The following NLRP3 variants were observed in gnomAD, a reference collection of about 807,000 sequenced individuals.
NLRP3 encodes the protein NACHT, LRR and PYD domains-containing protein 3.
Under a neutral mutation model 91.3 loss-of-function variants are expected in NLRP3, and 48 were observed. The observed-to-expected ratio is 0.53, with a 90% CI of 0.42 to 0.67. NLRP3 has a LOEUF of 0.67. Among genes scored for constraint, NLRP3 ranks in the 30% least tolerant of loss-of-function variants. NLRP3 has a pLI of 0.00. For missense variants in NLRP3, 982 were observed against 1,276.9 expected, an observed-to-expected ratio of 0.77 and a Z score of 3.52; for synonymous variants, 561 against 507.9, an observed-to-expected ratio of 1.10 and a Z score of -1.41.
intron 7 of NLRP3, 59 bp downstream of exon 7, chr1:247,436,199 G>C (rs1279411746): frequency 1.2e-5 from 19 of 1,547,770 alleles, no homozygotes; most frequent in Non-Finnish European, 1.2e-5. Flanking sequence ...TGAATTATTT[G>C]GAAAATGTGG....
In NLRP3 at chr1:247,423,338, A is replaced by G. The variant is rs188623199; in HGVS notation, c.386A>G (p.Lys129Arg). The change falls in exon 3 of 10, where the codon AAA becomes AGA. Residue 129 changes from lysine to arginine, a missense_variant. Physicochemically the swap from Lys to Arg is conservative, Grantham distance 26 (BLOSUM62 2). Coordinates refer to ENST00000336119, the MANE Select transcript of NLRP3 (RefSeq NM_001243133.2). ...TACCTTTCGAGAATCTCTATTTGTA[A>G]AATGAAGAAAGGTAAGCGACTGGGG... ...LEYLSRISIC[K>R]MKKDYRKKYR... The G allele has an allele frequency of 3.4e-5, 55 of 1,613,990 alleles. No homozygotes were observed. In the East Asian group the frequency reaches 1.2e-3, roughly 34 times the overall value.
chr1:247,430,784 T>TC (rs1663258804), intron 5 of NLRP3, among the ~76,000 whole-genome samples: 1 of 152,016 alleles, frequency 6.6e-6, no homozygotes, highest in African/African-American at 2.4e-5. Flanking sequence ...TTTTTTTTTT[T>TC]TTCTTTGAGA....
At chr1:247,437,741 TA>T (rs1269686538) in intron 7 of NLRP3, among the ~76,000 whole-genome samples, 1 of 152,216 alleles carries the variant, frequency 6.6e-6, no homozygotes, top group East Asian at 1.9e-4. Flanking sequence ...TGCTAAACAA[TA>T]TACCCTGTGT....
At chr1:247,422,052 T>C (rs191715703) in intron 2 of NLRP3, among the ~76,000 whole-genome samples, 8 of 152,254 alleles carry the variant, frequency 5.3e-5, no homozygotes, top group Admixed American at 4.6e-4. Context: ...GGATTTTATT[T>C]TGTGATATGG....
intron 2 of NLRP3, among the ~76,000 whole-genome samples, chr1:247,419,962 A>G (rs1370084289): frequency 1.3e-5 from 2 of 152,368 alleles, no homozygotes; most frequent in East Asian, 3.9e-4. Flanking sequence ...TCATACGGTA[A>G]TTCTGTTAAA....
At chr1:247,431,642 G>T (rs1447405922) in intron 5 of NLRP3, among the ~76,000 whole-genome samples, 5 of 152,248 alleles carry the variant, frequency 3.3e-5, no homozygotes, top group Admixed American at 3.3e-4. Flanking sequence ...TCAAAAGCAC[G>T]CACTGAATGA....
At chr1:247,432,200 C>T (rs1558198875) in intron 5 of NLRP3, among the ~76,000 whole-genome samples, 1 of 152,168 alleles carries the variant, frequency 6.6e-6, no homozygotes, top group African/African-American at 2.4e-5. Flanking sequence ...AACTCTTACC[C>T]AAATAGTGAA....
rs1662230928 is a variant in NLRP3 at position 247,418,811 on chromosome 1, C to T, written c.11C>T (p.Thr4Ile). The T allele has an allele frequency of 6.2e-7, 1 of 1,613,898 alleles. No individual in the cohort carries two copies. Residue 4 changes from threonine to isoleucine, a missense_variant, in exon 2 of 10, where the codon ACC becomes ATC. Around this residue, in one of 5 missense-constraint regions of NLRP3, gnomAD observed 548 missense variants for 713.7 expected, o/e 0.77. Coordinates refer to ENST00000336119, the MANE Select transcript of NLRP3 (RefSeq NM_001243133.2). MAS[T>I]RCKLARYLED... ...CAGCTGCAGATGAAGATGGCAAGCA[C>T]CCGCTGCAAGCTGGCCAGGTACCTG...
At chr1:247,429,544 A>G (rs1410464861) in intron 4 of NLRP3, 41 bp from the exon 5 acceptor site, 1 of 1,608,530 alleles carries the variant, frequency 6.2e-7, no homozygotes, top group Non-Finnish European at 8.5e-7. Context: ...TTATTATTCG[A>G]GGCTGATTTC....
At chr1:247,429,522 A>G (rs1168892934) in intron 4 of NLRP3, 63 bp from the exon 5 acceptor site, 2 of 1,582,042 alleles carry the variant, frequency 1.3e-6, no homozygotes, top group African/African-American at 1.3e-5. Flanking sequence ...CCCGGCCCCC[A>G]GCTCCAGTTA....
In NLRP3 at chr1:247,429,543, GA is replaced by G. The variant is rs749446698; in HGVS notation, c.2151-41del. The G allele has an allele frequency of 3.1e-6, 5 of 1,608,716 alleles. No individual in the cohort carries two copies. The Admixed American group carries it at 8.3e-5, about 27-fold the overall frequency. ...CCCCAGCTCCAGTTAGTTATTATTC[GA>G]GGCTGATTTCTTTTCTGTCTGTCTT... On this transcript the variant is annotated intron_variant, in intron 4 of 9. Transcript: ENST00000336119.
chr1:247,433,503 G>A (rs1663502252), intron 5 of NLRP3, among the ~76,000 whole-genome samples: 2 of 152,172 alleles, frequency 1.3e-5, no homozygotes, highest in Non-Finnish European at 2.9e-5. Context: ...GTTTACGGCC[G>A]GGAGTTCACT....
Position 247,418,722 on chromosome 1 carries a change from C to A in NLRP3, c.-79C>A. 6.5e-7 allele frequency: 1 copy of A among 1,543,480 alleles called. No homozygotes were observed. Among genetic ancestry groups the A allele is most frequent in the African/African-American group, 1.4e-5 (1 of 73,628 alleles). On this transcript the variant is annotated 5_prime_UTR_variant, in exon 2 of 10. Coordinates refer to ENST00000336119, the MANE Select transcript of NLRP3 (RefSeq NM_001243133.2). ...CAAAGTGGAGACTTTAAAAAAGACT[C>A]ATCCGTGTGCCGTGTTCACTGCCTG...
intron 7 of NLRP3, among the ~76,000 whole-genome samples, chr1:247,441,198 C>CA (rs1558207348): frequency 1.9e-5 from 2 of 103,124 alleles, no homozygotes; most frequent in South Asian, 4.3e-4. Flanking sequence ...TCCCCTCCCC[C>CA]CCCCCTTTCC....
In NLRP3 at chr1:247,418,954, C is replaced by A; in HGVS notation, c.154C>A (p.Leu52Ile). 1 of 1,614,126 alleles carries A rather than the reference C, an allele frequency of 6.2e-7. No homozygotes were observed. Among genetic ancestry groups the A allele is most frequent in the Non-Finnish European group, 8.5e-7 (1 of 1,180,030 alleles). Residue 52 changes from leucine to isoleucine, a missense_variant, in exon 2 of 10, where the codon CTA becomes ATA. By Grantham distance (5) the Leu-to-Ile change is conservative (BLOSUM62 2). Around this residue, in one of 5 missense-constraint regions of NLRP3, gnomAD observed 548 missense variants for 713.7 expected, o/e 0.77. Transcript: ENST00000336119. The stretch of plus-strand genomic sequence containing the variant: ...GACAGAGAAGGCAGACCATGTGGAT[C>A]TAGCCACGCTAATGATCGACTTCAA... ...GQTEKADHVD[L>I]ATLMIDFNGE... is the part of the protein sequence containing the mutation.
In NLRP3 at chr1:247,423,217, T is replaced by C; in HGVS notation, c.278-13T>C. On this transcript the variant is annotated splice_polypyrimidine_tract_variant and intron_variant, in intron 2 of 9. Coordinates refer to ENST00000336119, the MANE Select transcript of NLRP3 (RefSeq NM_001243133.2). ...ATAGTTCTGGGTTTTGACACCTTTT[T>C]TTTCCCTTTTAGGTTCAGATAATGC... 6.2e-7 allele frequency: 1 copy of C among 1,614,070 alleles called. No individual in the cohort carries two copies.
Position 247,432,882 on chromosome 1 carries a change from C to T in NLRP3, c.2322-1221C>T, listed in dbSNP as rs372061511. ...TGTGTGTTTGTGTGCATGTGTGTGA[C>T]GGGGAAACTAATCAAGAATCAGAGC... On this transcript the variant is annotated intron_variant, in intron 5 of 9. Coordinates refer to ENST00000336119, the MANE Select transcript of NLRP3 (RefSeq NM_001243133.2). 1.8e-4 allele frequency among the ~76,000 whole-genome samples: 28 copies of T among 151,706 alleles called. No homozygotes were observed. The East Asian group carries it at 2.7e-3, about 15-fold the overall frequency.
At chr1:247,446,667 T>C (rs1664605977) in intron 9 of NLRP3, among the ~76,000 whole-genome samples, 1 of 57,168 alleles carries the variant, frequency 1.7e-5, no homozygotes, top group African/African-American at 7.3e-5. Context: ...ACTATTCTAC[T>C]GAAAATAGAA....
At chr1:247,442,510 C>T (rs1001416721) in intron 7 of NLRP3, among the ~76,000 whole-genome samples, 5 of 151,900 alleles carry the variant, frequency 3.3e-5, no homozygotes, top group East Asian at 1.9e-4. Flanking sequence ...TTAATTCCAT[C>T]GAGATTGATG....
Sources: allele counts gnomAD v4.1 joint callset (sites outside exome capture counted in the v4.1 genomes callset), GRCh38; gene constraint gnomAD v4.1.1; regional missense constraint gnomAD v4.1.1; transcripts MANE v1.5; gene names NCBI Gene and HGNC (gene_info 2026-07-23, HGNC 2026-07-21).